Variants in TTC28 observed in about 807,000 individuals in gnomAD.
The protein encoded by TTC28 is tetratricopeptide repeat domain 28, also known as tetratricopeptide repeat protein 28.
A neutral mutation model predicts 198.0 loss-of-function variants in TTC28; 61 were observed. That is an observed-to-expected ratio of 0.31 (90% CI 0.25 to 0.38). The LOEUF (loss-of-function observed/expected upper bound fraction) is 0.38. TTC28 is among the 10% of genes least tolerant of loss of function. TTC28 has a pLI of 1.00. For missense variants in TTC28, 2,678 were observed against 3,164.0 expected (o/e 0.85, Z 3.69); for synonymous variants, 1,171 against 1,297.8 (o/e 0.90, Z 2.10).
At chr22:28,087,852 T>G (rs1157231472) in intron 12 of TTC28, among the ~76,000 whole-genome samples, 2 of 152,094 alleles carry the variant, frequency 1.3e-5, no homozygotes, top group African/African-American at 4.8e-5. Context: ...ATCACAAGCA[T>G]TCTTATACAC....
At chr22:28,418,504 G>A (rs887714140) in intron 2 of TTC28, among the ~76,000 whole-genome samples, 1 of 152,106 alleles carries the variant, frequency 6.6e-6, no homozygotes, top group African/African-American at 2.4e-5. Flanking sequence ...CCTTAATAAT[G>A]GTATAGGAAC....
At chr22:28,355,024 C>G (rs1404294066) in intron 2 of TTC28, among the ~76,000 whole-genome samples, 2 of 139,396 alleles carry the variant, frequency 1.4e-5, no homozygotes, top group African/African-American at 5.4e-5. Flanking sequence ...TACTTAAAAA[C>G]ACAGGATCTC....
Position 28,107,698 on chromosome 22 carries a change from G to C in TTC28, c.2147C>G (p.Ala716Gly), listed in dbSNP as rs1230096950. 6.4e-7 allele frequency: 1 copy of C among 1,551,734 alleles called. No homozygotes were observed. Among genetic ancestry groups the C allele is most frequent in the Non-Finnish European group, 8.7e-7 (1 of 1,146,986 alleles). The change falls in exon 7 of 23, where the codon GCC (alanine) becomes GGC (glycine). Residue 716 changes from alanine (A) to glycine (G), a missense_variant. Physicochemically the swap from Ala to Gly is moderately conservative, Grantham distance 60 (BLOSUM62 0). Transcript: ENST00000397906. The part of the protein sequence containing the change: ...SLNNSQAKFR[A>G]LGNLGDIFIC... ...GAATATATCGCCCAGGTTTCCTAGG[G>C]CTCGAAATTTAGCCTGGGAATTATT... is the stretch of plus-strand genomic sequence containing the variant.
At chr22:28,168,772 C>T (rs1447714101) in intron 5 of TTC28, among the ~76,000 whole-genome samples, 3 of 152,320 alleles carry the variant, frequency 2.0e-5, no homozygotes, top group South Asian at 2.1e-4. Context: ...CCAAGGACTT[C>T]GTGTCTAAAA....
chr22:28,258,473 C>G (rs1931106681), intron 5 of TTC28, among the ~76,000 whole-genome samples: 1 of 151,782 alleles, frequency 6.6e-6, no homozygotes, highest in African/African-American at 2.4e-5. Context: ...TTTAAATTTC[C>G]CAATTATTTT....
intron 1 of TTC28, among the ~76,000 whole-genome samples, chr22:28,658,869 C>T (rs899098183): frequency 1.3e-5 from 2 of 152,080 alleles, no homozygotes; most frequent in African/African-American, 4.8e-5. Context: ...TGGTGACGCA[C>T]ATCTGTAATC....
At chr22:28,154,339 T>G (rs1943696395) in intron 6 of TTC28, among the ~76,000 whole-genome samples, 1 of 151,200 alleles carries the variant, frequency 6.6e-6, no homozygotes, top group Non-Finnish European at 1.5e-5. Flanking sequence ...TTTTTTCTTT[T>G]CTTTTCTTTT....
chr22:28,486,682 G>C (rs1232231213), intron 2 of TTC28, among the ~76,000 whole-genome samples: 1 of 152,164 alleles, frequency 6.6e-6, no homozygotes, highest in Admixed American at 6.5e-5. Flanking sequence ...AAAGTGGACA[G>C]AGCAAAGCCT....
chr22:28,501,221 A>G (rs911629982), intron 2 of TTC28, among the ~76,000 whole-genome samples: 3 of 152,198 alleles, frequency 2.0e-5, no homozygotes, highest in Non-Finnish European at 4.4e-5. Context: ...CAGAAAAACA[A>G]ACATTTATTG....
chr22:28,010,102 C>G (rs1938087391), intron 14 of TTC28, among the ~76,000 whole-genome samples: 1 of 152,182 alleles, frequency 6.6e-6, no homozygotes, highest in Admixed American at 6.5e-5. Flanking sequence ...AGGACTGCAG[C>G]CTGTGGGCGG....
chr22:28,151,618 C>T (rs1943610898), intron 6 of TTC28, among the ~76,000 whole-genome samples: 1 of 152,208 alleles, frequency 6.6e-6, no homozygotes, highest in Admixed American at 6.5e-5. Flanking sequence ...GTGTGGGGCA[C>T]AGCACAGGAT....
At chr22:28,491,942 G>A (rs2048385936) in intron 2 of TTC28, among the ~76,000 whole-genome samples, 1 of 152,164 alleles carries the variant, frequency 6.6e-6, no homozygotes, top group African/African-American at 2.4e-5. Flanking sequence ...AAAAAAGGAT[G>A]AGTTCATGTC....
chr22:28,157,051 C>T (rs1943765360), intron 6 of TTC28, among the ~76,000 whole-genome samples: 1 of 151,912 alleles, frequency 6.6e-6, no homozygotes, highest in South Asian at 2.1e-4. Context: ...AAACCTTTAG[C>T]CATACTAAGA....
chr22:28,531,178 G>A (rs1032459429), intron 2 of TTC28, among the ~76,000 whole-genome samples: 7 of 152,100 alleles, frequency 4.6e-5, no homozygotes, highest in Admixed American at 3.9e-4. Context: ...CACCTGCAGA[G>A]ACACACATAG....
At chr22:28,671,683 A>ATT (rs369361749) in intron 1 of TTC28, among the ~76,000 whole-genome samples, 2 of 142,290 alleles carry the variant, frequency 1.4e-5, no homozygotes, top group Admixed American at 7.1e-5. Context: ...TTTTGTTTTC[A>ATT]TTTTTTTTTT....
At chr22:28,348,130 G>A (rs1279998111) in intron 2 of TTC28, among the ~76,000 whole-genome samples, 4 of 152,202 alleles carry the variant, frequency 2.6e-5, no homozygotes, top group African/African-American at 9.6e-5. Flanking sequence ...GCTTAGGGCT[G>A]TTATAGAAGA....
intron 6 of TTC28, among the ~76,000 whole-genome samples, chr22:28,122,459 A>T (rs1942812230): frequency 6.6e-6 from 1 of 152,232 alleles, no homozygotes; most frequent in African/African-American, 2.4e-5. Flanking sequence ...GAAAATATTT[A>T]AAAATACAGA....
chr22:28,419,136 T>TA (rs1379032900), intron 2 of TTC28, among the ~76,000 whole-genome samples: 2 of 152,182 alleles, frequency 1.3e-5, no homozygotes, highest in Non-Finnish European at 2.9e-5. Context: ...AAAGAACCCC[T>TA]ATTACATAAG....
intron 5 of TTC28, among the ~76,000 whole-genome samples, chr22:28,230,894 T>C (rs991207299): frequency 6.6e-6 from 1 of 152,130 alleles, no homozygotes; most frequent in Non-Finnish European, 1.5e-5. Flanking sequence ...GTGTGTGAGG[T>C]TTTGGCAAAA....
Sources: gnomAD v4.1 joint callset for allele counts (sites outside exome capture counted in the v4.1 genomes callset) on GRCh38, gnomAD v4.1.1 for gene constraint, MANE v1.5 for transcripts, NCBI Gene and HGNC (gene_info 2026-07-23, HGNC 2026-07-21) for gene names.